KCNN2: variants seen among roughly 807,000 people sequenced by gnomAD.
KCNN2 encodes the protein potassium calcium-activated channel subfamily N member 2.
KCNN2 carries 24 observed loss-of-function variants against 55.5 expected under a neutral mutation model. The observed-to-expected ratio is 0.43, with a 90% CI of 0.31 to 0.61. The LOEUF (loss-of-function observed/expected upper bound fraction) is 0.61. Ranked by LOEUF, KCNN2 falls within the 20% of genes least tolerant of loss-of-function variation. The pLI is 0.08. For synonymous variants in KCNN2, 431 were observed against 336.1 expected, an observed-to-expected ratio of 1.28 and a Z score of -3.09; for missense variants, 754 against 853.6, an observed-to-expected ratio of 0.88 and a Z score of 1.45.
At chr5:114,230,267 C>CTTTTTTTTTTT (rs11432521) in intron 2 of KCNN2, among the ~76,000 whole-genome samples, 1 of 142,142 alleles carries the variant, frequency 7.0e-6, no homozygotes. Context: ...TAGTGATATT[C>CTTTTTTTTTTT]TTTTTTTTTT....
At chr5:114,236,082 T>G (rs1365373554) in intron 2 of KCNN2, among the ~76,000 whole-genome samples, 1 of 152,236 alleles carries the variant, frequency 6.6e-6, no homozygotes, top group African/African-American at 2.4e-5. Flanking sequence ...ATATGTATAT[T>G]TTAACAGCCA....
chr5:114,397,012 A>G (rs570526173), intron 2 of KCNN2, among the ~76,000 whole-genome samples: 2 of 152,156 alleles, frequency 1.3e-5, no homozygotes, highest in Non-Finnish European at 2.9e-5. Context: ...CACTTAGGAT[A>G]ATGGCCTCCA....
intron 2 of KCNN2, among the ~76,000 whole-genome samples, chr5:114,387,224 T>TC (rs1758314987): frequency 6.6e-6 from 1 of 152,238 alleles, no homozygotes; most frequent in Non-Finnish European, 1.5e-5. Flanking sequence ...ATGTGGGTAT[T>TC]CAGAGCTAGT....
chr5:114,488,358 G>T (rs1747676507), intron 6 of KCNN2, among the ~76,000 whole-genome samples: 1 of 152,100 alleles, frequency 6.6e-6, no homozygotes, highest in Non-Finnish European at 1.5e-5. Flanking sequence ...AGATAGTGAT[G>T]CTATTTCCTC....
At chr5:114,195,135 C>T (rs780971326) in intron 1 of KCNN2, among the ~76,000 whole-genome samples, 2 of 151,426 alleles carry the variant, frequency 1.3e-5, no homozygotes, top group African/African-American at 2.4e-5. Context: ...AGTCTTCCAA[C>T]TTTGTTCTTG....
chr5:114,332,929 A>T (rs950340518), intron 2 of KCNN2, among the ~76,000 whole-genome samples: 1 of 152,150 alleles, frequency 6.6e-6, no homozygotes, highest in Non-Finnish European at 1.5e-5. Context: ...TCAATGTCAG[A>T]TTCACCTAAT....
intron 2 of KCNN2, among the ~76,000 whole-genome samples, chr5:114,366,321 T>G (rs1332967443): frequency 9.8e-5 from 15 of 152,300 alleles, no homozygotes; most frequent in African/African-American, 3.4e-4. Context: ...GTTTTAAAAT[T>G]CGGTTTATTT....
At chr5:114,212,855 G>T (rs1753916845) in intron 1 of KCNN2, among the ~76,000 whole-genome samples, 2 of 152,100 alleles carry the variant, frequency 1.3e-5, no homozygotes, top group South Asian at 4.1e-4. Context: ...GCCTCTTTCA[G>T]CCTCAAAACT....
intron 2 of KCNN2, among the ~76,000 whole-genome samples, chr5:114,377,296 G>A (rs1018047878): frequency 6.6e-6 from 1 of 152,076 alleles, no homozygotes; most frequent in Non-Finnish European, 1.5e-5. Context: ...GCCACGTCAG[G>A]ATTCCCACTC....
intron 2 of KCNN2, among the ~76,000 whole-genome samples, chr5:114,312,434 CATATATATATATATATATATATATATAT>C (rs59964515): frequency 0.018 from 426 of 23,428 alleles, 9 homozygotes; most frequent in African/African-American, 0.058. Context: ...CACACACACA[CATATATATATATATATATATATATATAT>C]ATATATATAT....
chr5:114,168,074 A>G (rs578106949), intron 1 of KCNN2, among the ~76,000 whole-genome samples: 4 of 151,822 alleles, frequency 2.6e-5, no homozygotes, highest in African/African-American at 4.8e-5. Flanking sequence ...TCACTTGTTG[A>G]TGGGCTTTTG....
At chr5:114,057,777 T>C (rs1198282870) in intron 1 of KCNN2, among the ~76,000 whole-genome samples, 1 of 152,078 alleles carries the variant, frequency 6.6e-6, no homozygotes, top group East Asian at 1.9e-4. Flanking sequence ...GAAAGACAAA[T>C]AGCCAATGAA....
intron 5 of KCNN2, among the ~76,000 whole-genome samples, chr5:114,483,273 CTTTTTT>C (rs34472228): frequency 1.9e-5 from 2 of 108,046 alleles, no homozygotes; most frequent in African/African-American, 3.4e-5. Context: ...TTCTTTCTTT[CTTTTTT>C]TTTTTTTTTT....
intron 2 of KCNN2, among the ~76,000 whole-genome samples, chr5:114,379,844 A>G (rs948495420): frequency 6.9e-6 from 1 of 145,578 alleles, no homozygotes; most frequent in African/African-American, 2.5e-5. Flanking sequence ...TATATAGCTT[A>G]TATATTATAT....
chr5:114,260,901 C>G (rs1389224033), intron 2 of KCNN2, among the ~76,000 whole-genome samples: 2 of 152,130 alleles, frequency 1.3e-5, no homozygotes, highest in Non-Finnish European at 2.9e-5. Context: ...CTGCTCTAAG[C>G]CTTACCAGGT....
At chr5:114,083,746 G>T (rs1750952628) in intron 1 of KCNN2, among the ~76,000 whole-genome samples, 1 of 152,006 alleles carries the variant, frequency 6.6e-6, no homozygotes, top group African/African-American at 2.4e-5. Flanking sequence ...ACAGTTCTAT[G>T]GGTTTTGACA....
chr5:114,408,922 A>G (rs1473711839), intron 3 of KCNN2, among the ~76,000 whole-genome samples: 4 of 152,194 alleles, frequency 2.6e-5, no homozygotes, highest in Non-Finnish European at 5.9e-5. Flanking sequence ...TGCTGTTTTC[A>G]TGTAAAGAGG....
rs1748092391 is a variant in KCNN2, at chr5:114,495,878, TC to T, written c.2089-16del. On this transcript the variant is annotated splice_polypyrimidine_tract_variant and intron_variant, in intron 7 of 7. Transcript: ENST00000673685. The stretch of plus-strand genomic sequence containing the variant: ...AGGGCAAGTATAATTAACCTTCTTC[TC>T]AATCCTGTTTTTCAGACCCAGAACA... 3 of 1,608,534 alleles carry T rather than the reference TC, an allele frequency of 1.9e-6. No individual in the cohort carries two copies. In the African/African-American group the frequency reaches 4.0e-5, roughly 21 times the overall value.
At chr5:114,068,641 T>C (rs1750500031) in intron 1 of KCNN2, among the ~76,000 whole-genome samples, 1 of 152,142 alleles carries the variant, frequency 6.6e-6, no homozygotes, top group South Asian at 2.1e-4. Flanking sequence ...AAGCTCTGCC[T>C]CTCCCAGTGC....
Sources: gnomAD v4.1 joint callset for allele counts (sites outside exome capture counted in the v4.1 genomes callset) on GRCh38, gnomAD v4.1.1 for gene constraint, MANE v1.5 for transcripts, NCBI Gene and HGNC (gene_info 2026-07-23, HGNC 2026-07-21) for gene names.